Variants in IQGAP2 observed in about 807,000 individuals in gnomAD.
IQGAP2 encodes the protein ras GTPase-activating-like protein IQGAP2.
A neutral mutation model predicts 201.3 loss-of-function variants in IQGAP2; 173 were observed. The observed-to-expected ratio is 0.86, with a 90% CI of 0.76 to 0.98. The LOEUF (loss-of-function observed/expected upper bound fraction) is 0.98, where lower values mean the gene tolerates loss of function less well. IQGAP2 is among the 50% of genes least tolerant of loss of function. The pLI is 0.00. For synonymous variants in IQGAP2, 675 were observed against 673.9 expected, an observed-to-expected ratio of 1.00 and a Z score of -0.03; for missense variants, 1,687 against 1,864.8, an observed-to-expected ratio of 0.90 and a Z score of 1.76.
At chr5:76,424,686 G>GTCCAAT (rs1417661955) in intron 1 of IQGAP2, among the ~76,000 whole-genome samples, 1 of 152,216 alleles carries the variant, frequency 6.6e-6, no homozygotes, top group Non-Finnish European at 1.5e-5. Flanking sequence ...GTGAGTGGTT[G>GTCCAAT]GACTCCTCTC....
chr5:76,557,642 T>C (rs2150246368), intron 2 of IQGAP2, among the ~76,000 whole-genome samples: 1 of 152,324 alleles, frequency 6.6e-6, no homozygotes, highest in Middle Eastern at 3.4e-3. Context: ...TGTTAAGTAC[T>C]TGCTTTGTGT....
chr5:76,674,795 A>C, intron 27 of IQGAP2, 86 bp downstream of exon 27: 2 of 987,692 alleles, frequency 2.0e-6, no homozygotes, highest in South Asian at 2.9e-5. Flanking sequence ...TAGAGTGGGC[A>C]TGGAGGACAG....
chr5:76,571,839 G>A (rs1163230031), intron 4 of IQGAP2, among the ~76,000 whole-genome samples: 1 of 152,190 alleles, frequency 6.6e-6, no homozygotes, highest in East Asian at 1.9e-4. Context: ...GTGTATTAGT[G>A]TAAACTAGAC....
chr5:76,547,707 C>G (rs1028039439), intron 2 of IQGAP2, among the ~76,000 whole-genome samples: 1 of 152,212 alleles, frequency 6.6e-6, no homozygotes, highest in Non-Finnish European at 1.5e-5. Flanking sequence ...TTCTTCTTTA[C>G]TTTACCTCTG....
At chr5:76,611,241 G>C (rs767938402) in intron 13 of IQGAP2, 58 bp downstream of exon 13, 5 of 1,326,274 alleles carry the variant, frequency 3.8e-6, no homozygotes, top group Non-Finnish European at 5.2e-6. Flanking sequence ...CAGAGGGAGA[G>C]AAGGAGGAGG....
chr5:76,550,234 T>C (rs917787014), intron 2 of IQGAP2, among the ~76,000 whole-genome samples: 4 of 152,164 alleles, frequency 2.6e-5, no homozygotes, highest in African/African-American at 9.7e-5. Context: ...AAAAGGGTCA[T>C]GGGTCCAAAG....
At chr5:76,510,255 C>A (rs1580351857) in intron 2 of IQGAP2, among the ~76,000 whole-genome samples, 1 of 152,298 alleles carries the variant, frequency 6.6e-6, no homozygotes, top group South Asian at 2.1e-4. Flanking sequence ...CCGCCTCAGC[C>A]TCCCAAAATG....
intron 17 of IQGAP2, among the ~76,000 whole-genome samples, chr5:76,649,701 G>A (rs1752362108): frequency 6.6e-6 from 1 of 152,142 alleles, no homozygotes; most frequent in African/African-American, 2.4e-5. Flanking sequence ...GAGGACAGTG[G>A]CCATCTGCTC....
intron 1 of IQGAP2, among the ~76,000 whole-genome samples, chr5:76,455,440 C>T (rs113518340): frequency 4.4e-4 from 51 of 116,566 alleles, no homozygotes; most frequent in African/African-American, 1.8e-3. Context: ...GCAACAAGAG[C>T]GAGACTCTGT....
At chr5:76,634,185 G>A (rs568369627) in intron 15 of IQGAP2, among the ~76,000 whole-genome samples, 1 of 152,092 alleles carries the variant, frequency 6.6e-6, no homozygotes, top group African/African-American at 2.4e-5. Flanking sequence ...ATGGTCTATG[G>A]CTGCTTTCCT....
chr5:76,676,077 TCACACACA>T lies in IQGAP2; in HGVS notation c.3528-1102_3528-1095del, dbSNP rs34099080. ...GCCCAGGTGACAGGGTAAGACTCTG[TCACACACA>T]CACACACACACACACACACACACAC... is the stretch of plus-strand genomic sequence containing the variant. On this transcript the variant is annotated intron_variant, in intron 27 of 35. Transcript: ENST00000274364. 2.9e-3 allele frequency among the ~76,000 whole-genome samples: 391 copies of T among 135,664 alleles called. 3 individuals are homozygous for T. The Middle Eastern group carries it at 0.051, about 18-fold the overall frequency. 89.0% of individuals were successfully genotyped at this position (135,664 alleles called of 152,430 possible).
At chr5:76,442,748 A>AGGCTGAGGTGG (rs1753122473) in intron 1 of IQGAP2, among the ~76,000 whole-genome samples, 1 of 152,188 alleles carries the variant, frequency 6.6e-6, no homozygotes, top group Non-Finnish European at 1.5e-5. Flanking sequence ...GCACTTTGGG[A>AGGCTGAGGTGG]GGCTGAGGTG....
At chr5:76,530,373 A>G (rs920832328) in intron 2 of IQGAP2, among the ~76,000 whole-genome samples, 5 of 152,206 alleles carry the variant, frequency 3.3e-5, no homozygotes, top group African/African-American at 7.2e-5. Context: ...TGTTTGCAAT[A>G]GTGTGAAAAG....
rs1457234886 is a variant in IQGAP2 at position 76,568,890 on chromosome 5, C to T, written c.304-1690C>T. On this transcript the variant is annotated intron_variant, in intron 3 of 35. Transcript: ENST00000274364. ...GGGGGACATTATTTATTTTGTGGCA[C>T]AGAGGGTTCTCATACCTGTCTTGGT... Among the ~76,000 whole-genome samples, 8 of 152,186 alleles carry T rather than the reference C, an allele frequency of 5.3e-5. 2 individuals are homozygous for T.
intron 2 of IQGAP2, among the ~76,000 whole-genome samples, chr5:76,540,485 G>A (rs887122561): frequency 6.6e-6 from 1 of 152,152 alleles, no homozygotes; most frequent in Non-Finnish European, 1.5e-5. Context: ...AGTGGCAGTG[G>A]TAGTGGGAAG....
At chr5:76,501,643 C>CTTTTTTTTTTTTTTTTTTTTT in intron 2 of IQGAP2, among the ~76,000 whole-genome samples, 1 of 101,092 alleles carries the variant, frequency 9.9e-6, no homozygotes, top group Non-Finnish European at 1.8e-5. Context: ...TTTTCCTTTT[C>CTTTTTTTTTTTTTTTTTTTTT]TTTTTTTTTT....
At chr5:76,503,064 A>C (rs1757367800) in intron 2 of IQGAP2, among the ~76,000 whole-genome samples, 1 of 151,902 alleles carries the variant, frequency 6.6e-6, no homozygotes, top group Admixed American at 6.6e-5. Context: ...TTTTCTTATG[A>C]TAGGTTACTC....
At chr5:76,536,428 T>C (rs893644519) in intron 2 of IQGAP2, among the ~76,000 whole-genome samples, 1 of 151,996 alleles carries the variant, frequency 6.6e-6, no homozygotes, top group African/African-American at 2.4e-5. Context: ...AAAGACTTCC[T>C]GTTAAATTGT....
intron 2 of IQGAP2, among the ~76,000 whole-genome samples, chr5:76,562,018 G>C (rs918520975): frequency 6.6e-6 from 1 of 152,118 alleles, no homozygotes; most frequent in Admixed American, 6.5e-5. Flanking sequence ...TATAAGAATT[G>C]CCTCTGCCAA....
Sources: allele counts gnomAD v4.1 joint callset (sites outside exome capture counted in the v4.1 genomes callset), GRCh38; gene constraint gnomAD v4.1.1; transcripts MANE v1.5; gene names NCBI Gene and HGNC (gene_info 2026-07-23, HGNC 2026-07-21).